RIMBP2: variants seen among roughly 807,000 people sequenced by gnomAD.
RIMBP2 encodes RIMS binding protein 2, also known as RIMS-binding protein 2.
Under a neutral mutation model 118.6 loss-of-function variants are expected in RIMBP2, and 48 were observed. The ratio of observed to expected loss-of-function variants is 0.40; its 90% CI spans 0.32 to 0.51. The LOEUF is 0.51. Among genes scored for constraint, RIMBP2 ranks in the 20% least tolerant of loss-of-function variants. The pLI is 0.41. For missense variants in RIMBP2, 1,551 were observed against 1,768.3 expected (o/e 0.88, Z 2.20); for synonymous variants, 762 against 742.9 (o/e 1.03, Z -0.42).
intron 21 of RIMBP2, among the ~76,000 whole-genome samples, chr12:130,402,914 A>C (rs991136507): frequency 6.6e-6 from 1 of 152,220 alleles, no homozygotes; most frequent in African/African-American, 2.4e-5. Context: ...CACACGCTTT[A>C]AAACACGATG....
chr12:130,432,271 C>T (rs1007878194), intron 14 of RIMBP2: 4 of 456,448 alleles, frequency 8.8e-6, no homozygotes, highest in African/African-American at 4.0e-5. Context: ...GTTAGGAGAC[C>T]ATCTGCGTAA....
intron 1 of RIMBP2, among the ~76,000 whole-genome samples, chr12:130,671,573 T>G (rs1427914473): frequency 6.6e-6 from 1 of 152,184 alleles, no homozygotes; most frequent in African/African-American, 2.4e-5. Context: ...CAAAGATTTG[T>G]TCAAGCCAGG....
At position 130,521,431 on chromosome 12, in the gene RIMBP2, G is replaced by A. The variant is rs567120820; in HGVS notation, c.-216-3514C>T. 3.9e-5 allele frequency among the ~76,000 whole-genome samples: 6 copies of A among 152,300 alleles called. No individual in the cohort carries two copies. In the South Asian group the frequency reaches 6.2e-4, roughly 16 times the overall value. Reference sequence around the variant, plus strand: ...CCAGGAGGAGGAAGAGGAGGATTGGGGGTGTGGGGGGTCTAATATAATCTG... The same window carrying A: ...CCAGGAGGAGGAAGAGGAGGATTGGAGGTGTGGGGGGTCTAATATAATCTG... On this transcript the variant is annotated intron_variant, in intron 2 of 22. Coordinates refer to ENST00000690449, the MANE Select transcript of RIMBP2 (RefSeq NM_001393629.1).
chr12:130,447,856 G>A lies in RIMBP2; in HGVS notation c.581+2344C>T, dbSNP rs1419940173. Among the ~76,000 whole-genome samples, 1 of 152,202 alleles carries A rather than the reference G, an allele frequency of 6.6e-6. No homozygotes were observed. On this transcript the variant is annotated intron_variant, in intron 9 of 22. Transcript: ENST00000690449. This position sits in a 1 kb window ranked among gnomAD's most constrained non-coding sequence, Gnocchi z 4.4. ...AGCCCCTGCATGGAGGGCGGGGAGA[G>A]GCCGCTCGGCACCCAGAGTGAGCGC...
intron 2 of RIMBP2, among the ~76,000 whole-genome samples, chr12:130,554,333 C>G (rs1021416120): frequency 1.3e-5 from 2 of 152,188 alleles, no homozygotes; most frequent in African/African-American, 4.8e-5. Flanking sequence ...ACCTAGCACA[C>G]AGGAAGTGCC....
At position 130,571,192 on chromosome 12, in the gene RIMBP2, G is replaced by A. The variant is rs183455616; in HGVS notation, c.-216-53275C>T. On this transcript the variant is annotated intron_variant, in intron 2 of 22. Coordinates refer to ENST00000690449, the MANE Select transcript of RIMBP2 (RefSeq NM_001393629.1). Reference sequence around the variant, plus strand: ...CTGCATCATAAAGGGAGAAAGACTGGGGGGTTACTAGAGATGGGGGGGAGA... The same window carrying A: ...CTGCATCATAAAGGGAGAAAGACTGAGGGGTTACTAGAGATGGGGGGGAGA... Among the ~76,000 whole-genome samples, 924 of 146,082 alleles carry A rather than the reference G, an allele frequency of 6.3e-3. 16 individuals are homozygous for A. The highest frequency in any genetic ancestry group is 0.022 in the African/African-American group (883 of 40,062).
intron 12 of RIMBP2, among the ~76,000 whole-genome samples, chr12:130,438,029 AT>A (rs1427654940): frequency 6.6e-6 from 1 of 152,202 alleles, no homozygotes; most frequent in Admixed American, 6.5e-5. Context: ...GCCTTCGGCC[AT>A]GGGTATCATC....
At chr12:130,572,768 G>C (rs1412720028) in intron 2 of RIMBP2, among the ~76,000 whole-genome samples, 1 of 151,990 alleles carries the variant, frequency 6.6e-6, no homozygotes. Flanking sequence ...GGGGAACGCT[G>C]GCACACAGCC....
intron 2 of RIMBP2, among the ~76,000 whole-genome samples, chr12:130,612,305 C>T (rs1397145899): frequency 6.6e-6 from 1 of 152,120 alleles, no homozygotes; most frequent in Non-Finnish European, 1.5e-5. Context: ...TTTCAGTTGG[C>T]CAGGGGATCC....
At chr12:130,467,158 A>G (rs916053856) in intron 6 of RIMBP2, among the ~76,000 whole-genome samples, 1 of 152,248 alleles carries the variant, frequency 6.6e-6, no homozygotes, top group African/African-American at 2.4e-5. Context: ...AACAAAGAAG[A>G]TAACAGCCCT....
chr12:130,694,479 C>T (rs1018987031), intron 1 of RIMBP2, among the ~76,000 whole-genome samples: 5 of 152,184 alleles, frequency 3.3e-5, no homozygotes, highest in Admixed American at 2.0e-4. Context: ...GTGATCTCAC[C>T]CTGTCTCATC....
chr12:130,685,978 C>T (rs2065024279), intron 1 of RIMBP2, among the ~76,000 whole-genome samples: 1 of 152,206 alleles, frequency 6.6e-6, no homozygotes, highest in African/African-American at 2.4e-5. Context: ...CAGCATCCCC[C>T]CGGGGAGCAG....
At chr12:130,524,179 A>G (rs1337390215) in intron 2 of RIMBP2, among the ~76,000 whole-genome samples, 1 of 152,220 alleles carries the variant, frequency 6.6e-6, no homozygotes, top group Admixed American at 6.5e-5. Context: ...GAGAGTGGAC[A>G]TGGTAATTAA....
intron 2 of RIMBP2, among the ~76,000 whole-genome samples, chr12:130,582,039 C>G (rs11061008): frequency 2.6e-5 from 4 of 151,990 alleles, no homozygotes; most frequent in African/African-American, 4.8e-5. Context: ...TGAATACCCA[C>G]GTGGCTCACT....
intron 2 of RIMBP2, among the ~76,000 whole-genome samples, chr12:130,609,366 TA>T (rs1243978713): frequency 6.6e-6 from 1 of 151,490 alleles, no homozygotes; most frequent in Non-Finnish European, 1.5e-5. Flanking sequence ...TCAGCCATTT[TA>T]AAAAAAAATG....
Position 130,452,056 on chromosome 12 carries a change from G to A in RIMBP2, c.359-716C>T, listed in dbSNP as rs138876205. Among the ~76,000 whole-genome samples the A allele has an allele frequency of 9.4e-3, 1,427 of 152,300 alleles. 11 individuals are homozygous for A. Among genetic ancestry groups the A allele is most frequent in the Non-Finnish European group, 0.014 (979 of 68,028 alleles). On this transcript the variant is annotated intron_variant, in intron 7 of 22. Transcript: ENST00000690449. The stretch of plus-strand genomic sequence containing the variant: ...TGCCTGGAAGGGAGCATTGAGCAAC[G>A]TGACTAACGCTGGCCTGGGTGTCAG...
At chr12:130,571,283 C>A (rs1268086738) in intron 2 of RIMBP2, among the ~76,000 whole-genome samples, 1 of 152,046 alleles carries the variant, frequency 6.6e-6, no homozygotes, top group East Asian at 1.9e-4. Flanking sequence ...CATGGGTCCC[C>A]GCAAGGGGAA....
intron 18 of RIMBP2, 134 bp from the exon 19 acceptor site, chr12:130,412,921 A>G (rs910021716): frequency 2.1e-5 from 18 of 838,180 alleles, no homozygotes; most frequent in Non-Finnish European, 3.1e-5. Flanking sequence ...AATCACCTGC[A>G]TAGGTCACCC....
At chr12:130,676,622 CAAAAAAA>C (rs546590354) in intron 1 of RIMBP2, among the ~76,000 whole-genome samples, 1 of 134,368 alleles carries the variant, frequency 7.4e-6, no homozygotes, top group Non-Finnish European at 1.6e-5. Flanking sequence ...GAGTCTGTCT[CAAAAAAA>C]AAAAGAAAAA....
Sources: gnomAD v4.1 joint callset for allele counts (sites outside exome capture counted in the v4.1 genomes callset) on GRCh38, gnomAD v4.1.1 for gene constraint, Gnocchi (gnomAD v3.1) non-coding constraint, MANE v1.5 for transcripts, NCBI Gene and HGNC (gene_info 2026-07-23, HGNC 2026-07-21) for gene names.